MIB1: variants seen among roughly 807,000 people sequenced by gnomAD.
MIB1 encodes MIB E3 ubiquitin protein ligase 1, also known as E3 ubiquitin-protein ligase MIB1.
Under a neutral mutation model 124.5 loss-of-function variants are expected in MIB1, and 278 were observed. The observed-to-expected ratio is 2.23, with a 90% CI of 2.02 to 2.47. MIB1 has a LOEUF of 2.47. Ranked by LOEUF, MIB1 falls within the 30% of genes most tolerant of loss-of-function variation. The pLI is 0.00. For missense variants in MIB1, 957 were observed against 1,254.4 expected (o/e 0.76, Z 3.58); for synonymous variants, 446 against 429.4 (o/e 1.04, Z -0.48).
Position 21,815,926 on chromosome 18 carries a change from A to G in MIB1, c.1677+113A>G. ...TTACCGTTCTCATATGTCATAGTAA[A>G]TGATACCAAAGGCGTAAGATGTTAC... On this transcript the variant is annotated intron_variant, in intron 11 of 20. Coordinates refer to ENST00000261537, the MANE Select transcript of MIB1 (RefSeq NM_020774.4). 4.1e-6 allele frequency: 4 copies of G among 963,988 alleles called. No homozygotes were observed. The South Asian group carries it at 5.1e-5, about 12-fold the overall frequency. 59.7% of individuals were successfully genotyped at this position (963,988 alleles called of 1,614,324 possible).
At chr18:21,771,940 C>A (rs2041228346) in intron 3 of MIB1, among the ~76,000 whole-genome samples, 1 of 151,582 alleles carries the variant, frequency 6.6e-6, no homozygotes, top group Non-Finnish European at 1.5e-5. Flanking sequence ...GCGGAGGTTG[C>A]AGTGAGCCGA....
In MIB1 at chr18:21,815,627, T is replaced by C; in HGVS notation, c.1491T>C (p.Gly497=). ...ATACTAATGATTAGGATAAAGATGGTGATAGAGCAGTTCACCATGCAGCTT... is the reference window on the plus strand; with the variant it reads ...ATACTAATGATTAGGATAAAGATGGCGATAGAGCAGTTCACCATGCAGCTT... ...NVDVEAEDKD[G]DRAVHHAAFG... Residue 497 remains glycine, a synonymous_variant, in exon 11 of 21, where the codon GGT becomes GGC. Transcript: ENST00000261537. 1 of 1,613,970 alleles carries C rather than the reference T, an allele frequency of 6.2e-7. No homozygotes were observed. The highest frequency in any genetic ancestry group is 8.5e-7 in the Non-Finnish European group (1 of 1,179,850).
At chr18:21,821,460 G>A (rs996017054) in intron 12 of MIB1, among the ~76,000 whole-genome samples, 1 of 151,902 alleles carries the variant, frequency 6.6e-6, no homozygotes, top group Non-Finnish European at 1.5e-5. Context: ...CTATTTTTTG[G>A]AGCATTTTCT....
At chr18:21,769,002 C>T (rs2041196482) in intron 3 of MIB1, among the ~76,000 whole-genome samples, 1 of 152,048 alleles carries the variant, frequency 6.6e-6, no homozygotes, top group East Asian at 1.9e-4. Context: ...ATTTTGTTAC[C>T]TAGCATGCTT....
In MIB1 at chr18:21,817,509, G is replaced by C. The variant is rs2041841153; in HGVS notation, c.1677+1696G>C. 5.2e-5 allele frequency: 10 copies of C among 191,358 alleles called. No homozygotes were observed. In the South Asian group the frequency reaches 8.8e-4, roughly 17 times the overall value. The allele number at this position is 191,358 out of a possible 1,614,324, so 11.9% of individuals were successfully genotyped here. On this transcript the variant is annotated intron_variant, in intron 11 of 20. Transcript: ENST00000261537. ...GGGCACAGATAATAGTGGCTTATTG[G>C]CTTTTGCCACAACTATCTAACTCTC...
intron 6 of MIB1, among the ~76,000 whole-genome samples, chr18:21,783,880 G>A (rs987036116): frequency 4.0e-5 from 6 of 151,708 alleles, no homozygotes; most frequent in African/African-American, 1.5e-4. Context: ...CCAAGTGGCT[G>A]GAACTACAGG....
At chr18:21,750,516 AC>A (rs1204319959) in intron 1 of MIB1, among the ~76,000 whole-genome samples, 2 of 152,006 alleles carry the variant, frequency 1.3e-5, no homozygotes, top group Non-Finnish European at 2.9e-5. Context: ...TTTAGTAGAG[AC>A]GGGGTTTCAC....
chr18:21,787,662 T>C (rs532711711), intron 6 of MIB1, among the ~76,000 whole-genome samples: 2 of 152,236 alleles, frequency 1.3e-5, no homozygotes, highest in African/African-American at 4.8e-5. Flanking sequence ...TCTTTTATTA[T>C]CTGCTTGGCG....
chr18:21,764,738 A>AC (rs1491157647), intron 1 of MIB1, among the ~76,000 whole-genome samples: 2 of 149,300 alleles, frequency 1.3e-5, no homozygotes, highest in East Asian at 3.9e-4. Context: ...GAAAAAAAAA[A>AC]CAAAACAAAA....
intron 3 of MIB1, among the ~76,000 whole-genome samples, chr18:21,772,263 CT>C (rs2146415657): frequency 6.6e-6 from 1 of 152,242 alleles, no homozygotes; most frequent in Non-Finnish European, 1.5e-5. Context: ...GCCTGTCATT[CT>C]AAGTAACTAT....
At position 21,838,463 on chromosome 18, in the gene MIB1, A is replaced by G. The variant is rs777793151; in HGVS notation, c.1928A>G (p.Asn643Ser). 5 of 1,610,956 alleles carry G rather than the reference A, an allele frequency of 3.1e-6. No homozygotes were observed. Among genetic ancestry groups the G allele is most frequent in the Admixed American group, 1.7e-5 (1 of 59,696 alleles). The change falls in exon 13 of 21, where the codon AAT (asparagine) becomes AGT (serine). Residue 643 changes from asparagine to serine, a missense_variant. Coordinates refer to ENST00000261537, the MANE Select transcript of MIB1 (RefSeq NM_020774.4). ...YTALHLAALN[N>S]HVEVAELLVH... ...GCCTTACATCTGGCTGCCCTTAATA[A>G]TCACGTAGAAGTGGCTGAACTGTTG...
chr18:21,789,438 T>A lies in MIB1; in HGVS notation c.909-1936T>A, dbSNP rs947762542. Among the ~76,000 whole-genome samples the A allele has an allele frequency of 2.0e-5, 3 of 152,154 alleles. No individual in the cohort carries two copies. In the South Asian group the frequency reaches 6.2e-4, roughly 32 times the overall value. On this transcript the variant is annotated intron_variant, in intron 6 of 20. Transcript: ENST00000261537. ...TTACAAATAAGGTAACATTAACAGA[T>A]ACCTGGATTAGGACTTCAGCATATT...
At chr18:21,719,752 C>T (rs973863063) in intron 1 of MIB1, among the ~76,000 whole-genome samples, 3 of 151,796 alleles carry the variant, frequency 2.0e-5, no homozygotes, top group South Asian at 2.1e-4. Flanking sequence ...CCACTGTGCC[C>T]GGCCCTTTTT....
intron 1 of MIB1, among the ~76,000 whole-genome samples, chr18:21,757,484 A>G (rs1213399192): frequency 8.8e-6 from 1 of 113,490 alleles, no homozygotes; most frequent in African/African-American, 3.3e-5. Context: ...AAAAAAAGAC[A>G]GTCTTTTTTT....
intron 12 of MIB1, chr18:21,825,948 A>G (rs1239045951): frequency 3.1e-6 from 1 of 321,558 alleles, no homozygotes; most frequent in Non-Finnish European, 6.1e-6. Flanking sequence ...CCTGCGCTTA[A>G]TGGTTTAAAA....
chr18:21,855,427 T>A (rs530470136), intron 18 of MIB1, among the ~76,000 whole-genome samples: 11 of 152,186 alleles, frequency 7.2e-5, no homozygotes, highest in Non-Finnish European at 1.5e-4. Context: ...ATAGAAACAA[T>A]ACAATAACTG....
Position 21,799,941 on chromosome 18 carries a change from A to G in MIB1, c.1338A>G (p.Lys446=), listed in dbSNP as rs1322042499. Residue 446 remains lysine (K), a synonymous_variant, in exon 9 of 21, where the codon AAA becomes AAG. Transcript: ENST00000261537. ...VKAAANGDVA[K]VEDLLKRPDV... is the part of the protein sequence containing the mutation. ...CTGCTGCCAATGGAGATGTTGCTAA[A>G]GTGGAAGATTTGCTTAAAAGACCAG... The G allele has an allele frequency of 3.1e-6, 5 of 1,612,172 alleles. No individual in the cohort carries two copies. The highest frequency in any genetic ancestry group is 4.2e-6 in the Non-Finnish European group (5 of 1,178,702).
intron 1 of MIB1, among the ~76,000 whole-genome samples, chr18:21,729,909 GACAA>G (rs2040760432): frequency 6.6e-6 from 1 of 152,156 alleles, no homozygotes; most frequent in Non-Finnish European, 1.5e-5. Context: ...TTTTTTGGGG[GACAA>G]ACATTCAGAT....
chr18:21,842,025 G>A (rs762641299), intron 13 of MIB1, among the ~76,000 whole-genome samples: 4 of 128,458 alleles, frequency 3.1e-5, no homozygotes, highest in Non-Finnish European at 6.4e-5. Context: ...AAGCCCAGGA[G>A]TTTGAGGCTG....
Sources: allele counts gnomAD v4.1 joint callset (sites outside exome capture counted in the v4.1 genomes callset), GRCh38; gene constraint gnomAD v4.1.1; transcripts MANE v1.5; gene names NCBI Gene and HGNC (gene_info 2026-07-23, HGNC 2026-07-21).